RAB5IF: variants seen among roughly 807,000 people sequenced by gnomAD.
The protein encoded by RAB5IF is GEL complex subunit OPTI.
Under a neutral mutation model 20.3 loss-of-function variants are expected in RAB5IF, and 15 were observed. The observed-to-expected ratio is 0.74, with a 90% confidence interval of 0.50 to 1.14. The LOEUF is 1.14. Ranked by LOEUF, RAB5IF falls within the 50% of genes most tolerant of loss-of-function variation. The pLI is 0.00. For synonymous variants in RAB5IF, 67 were observed against 63.7 expected, an observed-to-expected ratio of 1.05 and a Z score of -0.25; for missense variants, 148 against 159.5, an observed-to-expected ratio of 0.93 and a Z score of 0.39.
chr20:36,610,372 A>G (rs552122927), intron 3 of RAB5IF, among the ~76,000 whole-genome samples: 12 of 152,262 alleles, frequency 7.9e-5, no homozygotes, highest in Admixed American at 2.6e-4. Flanking sequence ...ATAAGATACT[A>G]TGTATCCATA....
chr20:36,611,973 CCAGGTG>C (rs1213238098), intron 3 of RAB5IF, 31 bp from the exon 4 acceptor site: 2 of 1,611,190 alleles, frequency 1.2e-6, no homozygotes, highest in Admixed American at 3.3e-5. Flanking sequence ...CTGTGTTAAG[CCAGGTG>C]ACCTATGAAC....
chr20:36,611,210 G>A (rs1229430207), intron 3 of RAB5IF, among the ~76,000 whole-genome samples: 4 of 151,896 alleles, frequency 2.6e-5, no homozygotes, highest in African/African-American at 9.7e-5. Flanking sequence ...GGCTGGTCTT[G>A]GAACTCCTGA....
At chr20:36,609,355 T>C (rs566125609) in intron 2 of RAB5IF, among the ~76,000 whole-genome samples, 2 of 151,660 alleles carry the variant, frequency 1.3e-5, no homozygotes, top group South Asian at 4.2e-4. Context: ...TTCTCCTGCC[T>C]CCACCTCCTG....
rs1720602658 is a variant in RAB5IF at position 36,609,219 on chromosome 20, G to GCACGCA, written c.219-379_219-378insGCACAC. Among the ~76,000 whole-genome samples the GCACGCA allele has an allele frequency of 9.8e-4, 42 of 42,822 alleles. 5 individuals are homozygous for GCACGCA. Among genetic ancestry groups the GCACGCA allele is most frequent in the Non-Finnish European group, 1.8e-3 (41 of 22,584 alleles). 28.1% of individuals were successfully genotyped at this position (42,822 alleles called of 152,430 possible). A position where few individuals can be genotyped will look rare whatever the true frequency, so the allele number is the denominator to read the frequency against. On this transcript the variant is annotated intron_variant, in intron 2 of 3. Transcript: ENST00000344795. ...CGCACACACGCACACACGCACACAC[G>GCACGCA]CACACACACACACACACACACACAC...
At chr20:36,611,151 G>A (rs923692029) in intron 3 of RAB5IF, among the ~76,000 whole-genome samples, 4 of 151,944 alleles carry the variant, frequency 2.6e-5, no homozygotes, top group African/African-American at 4.8e-5. Context: ...CACCATGCCC[G>A]GATATTTTTT....
At chr20:36,609,202 C>CACAA in intron 2 of RAB5IF, among the ~76,000 whole-genome samples, 1 of 50,862 alleles carries the variant, frequency 2.0e-5, no homozygotes, top group African/African-American at 9.9e-5. Flanking sequence ...CACGCACACA[C>CACAA]GCACACACGC....
chr20:36,611,962 C>G, intron 3 of RAB5IF, 48 bp from the exon 4 acceptor site: 1 of 1,607,672 alleles, frequency 6.2e-7, no homozygotes, highest in Non-Finnish European at 8.5e-7. Context: ...GTGGAATCGG[C>G]CTGTGTTAAG....
At position 36,606,135 on chromosome 20, in the gene RAB5IF, C is replaced by G. The variant is rs533866349; in HGVS notation, c.114+70C>G. ...GGACTCGGGGAACGGAAGACTGGCG[C>G]GGGCCTGCCCTCGTCCTCGTTCCGG... is the stretch of plus-strand genomic sequence containing the variant. On this transcript the variant is annotated intron_variant, in intron 1 of 3. Transcript: ENST00000344795. 1.4e-3 allele frequency: 1,387 copies of G among 966,820 alleles called. 12 individuals carry two copies. In the African/African-American group the frequency reaches 0.021, roughly 15 times the overall value. 59.9% of individuals were successfully genotyped at this position (966,820 alleles called of 1,614,324 possible). A position where few individuals can be genotyped will look rare whatever the true frequency, so the allele number is the denominator to read the frequency against.
rs905299258 is a variant in RAB5IF at position 36,609,230 on chromosome 20, C to G, written c.219-371C>G. ...ACACACGCACACACGCACACACACA[C>G]ACACACACACACACACACACACACA... On this transcript the variant is annotated intron_variant, in intron 2 of 3. Transcript: ENST00000344795. Among the ~76,000 whole-genome samples the G allele has an allele frequency of 3.0e-4, 38 of 126,936 alleles. 1 individual carries two copies. The highest frequency in any genetic ancestry group is 5.7e-4 in the Non-Finnish European group (35 of 61,728). The allele number at this position is 126,936 out of a possible 152,430, so 83.3% of individuals were successfully genotyped here.
intron 1 of RAB5IF, among the ~76,000 whole-genome samples, chr20:36,607,210 T>C (rs1250682040): frequency 6.6e-6 from 1 of 152,172 alleles, no homozygotes; most frequent in Non-Finnish European, 1.5e-5. Flanking sequence ...AGAATTTTGA[T>C]TTAGAGCACA....
intron 1 of RAB5IF, among the ~76,000 whole-genome samples, chr20:36,606,370 TC>T (rs1943361174): frequency 6.6e-6 from 1 of 152,252 alleles, no homozygotes; most frequent in Admixed American, 6.5e-5. Context: ...TGAATTCGAT[TC>T]GGCCTCCGCC....
In RAB5IF at chr20:36,607,618, C is replaced by T. The variant is rs2038965737; in HGVS notation, c.115-97C>T. 4.9e-6 allele frequency: 7 copies of T among 1,441,696 alleles called. No individual in the cohort carries two copies. The Admixed American group carries it at 8.2e-5, about 17-fold the overall frequency. 89.3% of individuals were successfully genotyped at this position (1,441,696 alleles called of 1,614,324 possible). A position where few individuals can be genotyped will look rare whatever the true frequency, so the allele number is the denominator to read the frequency against. On this transcript the variant is annotated intron_variant, in intron 1 of 3. Transcript: ENST00000344795. ...GTTGCCTTTGGGGGGAAACAAATTT[C>T]CTGGATATGTTTAGCAGAAAGGTTT...
At chr20:36,609,176 C>CACACAA (rs2039018979) in intron 2 of RAB5IF, among the ~76,000 whole-genome samples, 1 of 28,044 alleles carries the variant, frequency 3.6e-5, no homozygotes, top group African/African-American at 1.7e-4. Context: ...CACACACACA[C>CACACAA]ACACACACAC....
chr20:36,611,977 G>A (rs1272605399), intron 3 of RAB5IF, 33 bp from the exon 4 acceptor site: 2 of 1,611,486 alleles, frequency 1.2e-6, no homozygotes, highest in African/African-American at 2.7e-5. Flanking sequence ...GTTAAGCCAG[G>A]TGACCTATGA....
At chr20:36,609,179 A>C (rs1186519314) in intron 2 of RAB5IF, among the ~76,000 whole-genome samples, 1 of 34,878 alleles carries the variant, frequency 2.9e-5, no homozygotes, top group Non-Finnish European at 5.5e-5. Flanking sequence ...ACACACACAC[A>C]CACACACACA....
intron 2 of RAB5IF, among the ~76,000 whole-genome samples, chr20:36,609,195 GC>G (rs1568595481): frequency 0.015 from 523 of 34,036 alleles, 73 homozygotes; most frequent in Non-Finnish European, 0.022. Flanking sequence ...ACACACACAC[GC>G]ACACACGCAC....
rs373217585 is a variant in RAB5IF, at chr20:36,607,690, C to A, written c.115-25C>A. 5 of 1,612,864 alleles carry A rather than the reference C, an allele frequency of 3.1e-6. No homozygotes were observed. In the African/African-American group the frequency reaches 6.7e-5, roughly 22 times the overall value. On this transcript the variant is annotated intron_variant, in intron 1 of 3. Transcript: ENST00000344795. ...CTTGTGGCACCCACTCCAGATAATT[C>A]TTGCATTTTCTGTCTTTTCTACAGG...
chr20:36,610,207 C>T (rs1187479801), intron 3 of RAB5IF, among the ~76,000 whole-genome samples: 1 of 151,738 alleles, frequency 6.6e-6, no homozygotes, highest in African/African-American at 2.4e-5. Context: ...TCGCTTGAAC[C>T]CGGGAGGCGG....
At chr20:36,608,520 T>G (rs919820809) in intron 2 of RAB5IF, among the ~76,000 whole-genome samples, 1 of 151,624 alleles carries the variant, frequency 6.6e-6, no homozygotes, top group Non-Finnish European at 1.5e-5. Flanking sequence ...GTTGGTATTA[T>G]AGGCATGAGT....
Sources: allele counts gnomAD v4.1 joint callset (sites outside exome capture counted in the v4.1 genomes callset), GRCh38; gene constraint gnomAD v4.1.1; transcripts MANE v1.5; gene names NCBI Gene and HGNC (gene_info 2026-07-23, HGNC 2026-07-21).